The following VPS8 variants were observed in gnomAD, a reference collection of about 807,000 sequenced individuals.
The protein encoded by VPS8 is VPS8 subunit of CORVET complex.
In VPS8, 129 loss-of-function variants were observed where a neutral mutation model predicts 216.4. The ratio of observed to expected loss-of-function variants is 0.60; its 90% CI spans 0.52 to 0.69. The LOEUF (loss-of-function observed/expected upper bound fraction) is 0.69, where lower values mean the gene tolerates loss of function less well. Ranked by LOEUF, VPS8 falls within the 30% of genes least tolerant of loss-of-function variation. VPS8 has a pLI of 0.00. For synonymous variants in VPS8, 571 were observed against 565.4 expected (o/e 1.01, Z -0.14); for missense variants, 1,531 against 1,683.5 (o/e 0.91, Z 1.59).
intron 39 of VPS8, among the ~76,000 whole-genome samples, chr3:184,969,543 C>A (rs984555511): frequency 6.6e-6 from 1 of 150,418 alleles, no homozygotes; most frequent in Non-Finnish European, 1.5e-5. Flanking sequence ...GATCCTCCTG[C>A]CTCAGCTCCT....
At chr3:185,007,540 G>A (rs1018303934) in intron 45 of VPS8, among the ~76,000 whole-genome samples, 2 of 152,194 alleles carry the variant, frequency 1.3e-5, no homozygotes, top group African/African-American at 4.8e-5. Flanking sequence ...AGATTTGCTA[G>A]ATTTCAGTTA....
intron 1 of VPS8, 175 bp from the exon 2 acceptor site, chr3:184,824,370 A>T (rs1021516952): frequency 1.7e-5 from 6 of 351,354 alleles, no homozygotes; most frequent in Non-Finnish European, 3.2e-5. Context: ...TTATGCTCTC[A>T]TTGAAACCCT....
intron 25 of VPS8, among the ~76,000 whole-genome samples, chr3:184,910,410 G>T (rs1736284037): frequency 6.6e-6 from 1 of 152,122 alleles, no homozygotes; most frequent in South Asian, 2.1e-4. Context: ...CCACAGAGGT[G>T]GTAATTTACT....
chr3:184,928,431 C>T lies in VPS8; in HGVS notation c.2632-20C>T. The T allele has an allele frequency of 6.5e-7, 1 of 1,528,720 alleles. No homozygotes were observed. The allele number at this position is 1,528,720 out of a possible 1,614,324, so 94.7% of individuals were successfully genotyped here. ...TAGTAAATTCTCAAGTGTTTTTACT[C>T]ATTTATTGTAAATACTCAGGTCCTT... On this transcript the variant is annotated intron_variant, in intron 31 of 47. Coordinates refer to ENST00000625842, the MANE Select transcript of VPS8 (RefSeq NM_001009921.3).
At chr3:185,001,003 C>T (rs113816222) in intron 45 of VPS8, among the ~76,000 whole-genome samples, 278 of 152,326 alleles carry the variant, frequency 1.8e-3, no homozygotes, top group Middle Eastern at 0.01. Flanking sequence ...AGAACTTCTA[C>T]TCTCCAGTGG....
chr3:184,969,910 T>TTC (rs1409957426), intron 39 of VPS8, among the ~76,000 whole-genome samples: 1 of 136,164 alleles, frequency 7.3e-6, no homozygotes, highest in East Asian at 2.1e-4. Flanking sequence ...ACTTTTTTTT[T>TTC]TTTTTTTTTT....
At chr3:185,047,025 C>G (rs1038415654) in intron 46 of VPS8, among the ~76,000 whole-genome samples, 1 of 152,216 alleles carries the variant, frequency 6.6e-6, no homozygotes, top group Non-Finnish European at 1.5e-5. Context: ...ACCTTAGCAG[C>G]TCTCATTTCC....
chr3:184,856,227 A>C (rs375235416), intron 14 of VPS8, among the ~76,000 whole-genome samples: 1 of 152,238 alleles, frequency 6.6e-6, no homozygotes, highest in East Asian at 1.9e-4. Flanking sequence ...TTCATCTTCC[A>C]CACAGCTTAT....
At chr3:184,952,298 ATTTT>A (rs1465608023) in intron 36 of VPS8, among the ~76,000 whole-genome samples, 127 of 151,950 alleles carry the variant, frequency 8.4e-4, no homozygotes, top group South Asian at 2.1e-3. Context: ...GTGTGTGGGG[ATTTT>A]TCCCCACACA....
At chr3:184,825,096 G>T (rs914080474) in intron 2 of VPS8, 25 of 279,412 alleles carry the variant, frequency 8.9e-5, no homozygotes, top group African/African-American at 1.3e-4. Flanking sequence ...TGTAGAGAGG[G>T]TCTCGCCATG....
intron 46 of VPS8, among the ~76,000 whole-genome samples, chr3:185,045,941 T>C (rs953934403): frequency 6.6e-6 from 1 of 152,192 alleles, no homozygotes; most frequent in African/African-American, 2.4e-5. Flanking sequence ...TCAGAGATCA[T>C]CAGGACCTCG....
intron 25 of VPS8, among the ~76,000 whole-genome samples, 196 bp from the exon 26 acceptor site, chr3:184,913,323 A>G (rs927616104): frequency 1.3e-5 from 2 of 152,208 alleles, no homozygotes; most frequent in African/African-American, 4.8e-5. Context: ...AGGGTAGCTT[A>G]TATTGCTCTT....
intron 38 of VPS8, among the ~76,000 whole-genome samples, chr3:184,965,773 A>G (rs1434059418): frequency 1.3e-5 from 2 of 152,200 alleles, no homozygotes; most frequent in Admixed American, 6.5e-5. Flanking sequence ...CAAAGCAGAC[A>G]ATACTTGGGA....
rs576227793 is a variant in VPS8 at position 184,890,714 on chromosome 3, ACTC to A, written c.1782-3988_1782-3986del. Among the ~76,000 whole-genome samples, 172 of 152,190 alleles carry A rather than the reference ACTC, an allele frequency of 1.1e-3. 1 individual carries two copies. Among genetic ancestry groups the A allele is most frequent in the Non-Finnish European group, 1.8e-3 (122 of 67,956 alleles). ...TTTGTTTTTCTCTGTAGGGCATACT[ACTC>A]AGTGTATTATGGACATCTTTCTTGG... On this transcript the variant is annotated intron_variant, in intron 22 of 47. Coordinates refer to ENST00000625842, the MANE Select transcript of VPS8 (RefSeq NM_001009921.3).
intron 45 of VPS8, among the ~76,000 whole-genome samples, chr3:185,014,588 T>C (rs1437316406): frequency 6.6e-6 from 1 of 152,234 alleles, no homozygotes; most frequent in Non-Finnish European, 1.5e-5. Flanking sequence ...TTTCTGTAGA[T>C]GCTGTTCAGC....
chr3:184,965,000 A>T (rs1290105225), intron 38 of VPS8, among the ~76,000 whole-genome samples: 1 of 152,124 alleles, frequency 6.6e-6, no homozygotes, highest in East Asian at 1.9e-4. Flanking sequence ...TAATTTTTTG[A>T]GGAATTGCCC....
chr3:184,945,211 C>T (rs1385698322), intron 36 of VPS8, among the ~76,000 whole-genome samples: 2 of 151,170 alleles, frequency 1.3e-5, no homozygotes, highest in African/African-American at 4.9e-5. Context: ...TTTCTTTATT[C>T]CTTTAATCAG....
At chr3:184,990,790 A>C (rs1165153446) in intron 42 of VPS8, among the ~76,000 whole-genome samples, 1 of 152,210 alleles carries the variant, frequency 6.6e-6, no homozygotes, top group African/African-American at 2.4e-5. Flanking sequence ...GCAGTTACTT[A>C]GATGCACAAT....
intron 46 of VPS8, among the ~76,000 whole-genome samples, chr3:185,044,474 G>A (rs981216190): frequency 1.3e-5 from 2 of 152,134 alleles, no homozygotes; most frequent in Non-Finnish European, 2.9e-5. Flanking sequence ...TTACACGATC[G>A]ATAAAGTGAG....
Sources: gnomAD v4.1 joint callset for allele counts (sites outside exome capture counted in the v4.1 genomes callset) on GRCh38, gnomAD v4.1.1 for gene constraint, MANE v1.5 for transcripts, NCBI Gene and HGNC (gene_info 2026-07-23, HGNC 2026-07-21) for gene names.